Variants in GAS7 observed in about 807,000 individuals in gnomAD.
GAS7 encodes growth arrest-specific protein 7.
A neutral mutation model predicts 71.1 loss-of-function variants in GAS7; 28 were observed. That is an observed-to-expected ratio of 0.39 (90% CI 0.29 to 0.54). The LOEUF (loss-of-function observed/expected upper bound fraction) is 0.54, where lower values mean the gene tolerates loss of function less well. GAS7 is among the 20% of genes least tolerant of loss of function. GAS7 has a pLI of 0.62. For synonymous variants in GAS7, 258 were observed against 245.8 expected, an observed-to-expected ratio of 1.05 and a Z score of -0.46; for missense variants, 436 against 627.8, an observed-to-expected ratio of 0.69 and a Z score of 3.27.
At chr17:9,933,269 TA>T (rs1298352142) in intron 9 of GAS7, among the ~76,000 whole-genome samples, 1 of 151,998 alleles carries the variant, frequency 6.6e-6, no homozygotes, top group African/African-American at 2.4e-5. Context: ...ACCACAAATT[TA>T]AAAAAAATTC....
intron 1 of GAS7, among the ~76,000 whole-genome samples, chr17:10,139,305 C>T (rs1411285191): frequency 6.6e-6 from 1 of 152,112 alleles, no homozygotes; most frequent in Admixed American, 6.6e-5. Context: ...TAAGAATAAA[C>T]CTAACACAAG....
chr17:10,125,612 C>T (rs1404064793), intron 1 of GAS7, among the ~76,000 whole-genome samples: 1 of 150,736 alleles, frequency 6.6e-6, no homozygotes, highest in Non-Finnish European at 1.5e-5. Context: ...TTCTTTCTTT[C>T]CCAGTTGGAT....
intron 1 of GAS7, among the ~76,000 whole-genome samples, chr17:10,083,866 T>C (rs2073485328): frequency 6.6e-6 from 1 of 152,206 alleles, no homozygotes; most frequent in African/African-American, 2.4e-5. Flanking sequence ...AGGGTAGGTA[T>C]ACATAAAATA....
In GAS7 at chr17:10,019,884, A is replaced by T. The variant is rs779039495; in HGVS notation, c.197T>A (p.Val66Asp). The part of the protein sequence containing the change: ...YVQLLEKPGM[V>D]PPPPGEESQT... ...GCTTTCTTCTCCCGGCGGAGGGGGG[A>T]CCATTCCAGGCTTCTGTTGGAGAAG... The change falls in exon 2 of 14, where the codon GTC (valine) becomes GAC (aspartate). Residue 66 changes from valine (V) to aspartate (D), a missense_variant. Val to Asp is a radical substitution (Grantham distance 152, BLOSUM62 -3). Coordinates refer to ENST00000432992, the MANE Select transcript of GAS7 (RefSeq NM_201433.2). 1 of 1,613,686 alleles carries T rather than the reference A, an allele frequency of 6.2e-7. No individual in the cohort carries two copies. Among genetic ancestry groups the T allele is most frequent in the Non-Finnish European group, 8.5e-7 (1 of 1,179,864 alleles).
intron 3 of GAS7, among the ~76,000 whole-genome samples, chr17:9,973,247 T>C (rs111296133): frequency 0.011 from 1,659 of 149,808 alleles, 21 homozygotes; most frequent in African/African-American, 0.032. Flanking sequence ...ACAACAAATA[T>C]AGTAGAAACT....
chr17:10,186,946 G>A (rs2074459199), intron 1 of GAS7, among the ~76,000 whole-genome samples: 1 of 152,182 alleles, frequency 6.6e-6, no homozygotes, highest in Admixed American at 6.5e-5. Flanking sequence ...GAGAAGCACT[G>A]CTCTAGGTGC....
intron 2 of GAS7, among the ~76,000 whole-genome samples, chr17:9,985,798 T>C (rs957790191): frequency 6.6e-6 from 1 of 152,226 alleles, no homozygotes; most frequent in Admixed American, 6.5e-5. Flanking sequence ...CAAACAATTC[T>C]GAAGGCCCCT....
chr17:10,122,589 G>T (rs972651111), intron 1 of GAS7, among the ~76,000 whole-genome samples: 1 of 152,124 alleles, frequency 6.6e-6, no homozygotes, highest in Non-Finnish European at 1.5e-5. Flanking sequence ...GAAGAGGGGG[G>T]TTGAAAGCCT....
At position 10,063,140 on chromosome 17, in the gene GAS7, T is replaced by C. The variant is rs542558177; in HGVS notation, c.184-43243A>G. On this transcript the variant is annotated intron_variant, in intron 1 of 13. Transcript: ENST00000432992. ...GTGGCTCTGTGGTGGTTTCATGGGG[T>C]TTCCCCTAGAGGAACAGACAGGCAG... Among the ~76,000 whole-genome samples, 14 of 152,244 alleles carry C rather than the reference T, an allele frequency of 9.2e-5. No individual in the cohort carries two copies. In the South Asian group the frequency reaches 2.9e-3, roughly 32 times the overall value.
intron 1 of GAS7, among the ~76,000 whole-genome samples, chr17:10,191,424 G>A (rs759152070): frequency 9.9e-5 from 15 of 151,794 alleles, no homozygotes; most frequent in Non-Finnish European, 1.9e-4. Context: ...ACAAAAATTA[G>A]CCAGGCATGG....
intron 1 of GAS7, among the ~76,000 whole-genome samples, chr17:10,118,039 A>C (rs1264706342): frequency 1.3e-5 from 2 of 152,138 alleles, no homozygotes; most frequent in Non-Finnish European, 2.9e-5. Context: ...GGAGATGTCA[A>C]GGACACAGCT....
chr17:10,149,768 G>T (rs945008711), intron 1 of GAS7, among the ~76,000 whole-genome samples: 1 of 152,214 alleles, frequency 6.6e-6, no homozygotes, highest in African/African-American at 2.4e-5. Flanking sequence ...GCCATGAAAA[G>T]GAATGAAGTG....
At chr17:10,166,354 G>A (rs1159699019) in intron 1 of GAS7, among the ~76,000 whole-genome samples, 2 of 152,174 alleles carry the variant, frequency 1.3e-5, no homozygotes, top group African/African-American at 4.8e-5. Flanking sequence ...CCAGGGGATG[G>A]GGGCCCCAAG....
chr17:10,034,257 C>A lies in GAS7; in HGVS notation c.184-14360G>T. 1.0e-6 allele frequency: 1 copy of A among 981,150 alleles called. No individual in the cohort carries two copies. Among genetic ancestry groups the A allele is most frequent in the African/African-American group, 1.7e-5 (1 of 57,268 alleles). 60.8% of individuals were successfully genotyped at this position (981,150 alleles called of 1,614,324 possible). ...TCATCTCTAAAACACGGAAGTTGGA[C>A]CAGATGGTCTCCAAGGGCTTTCATA... is the stretch of plus-strand genomic sequence containing the variant. On this transcript the variant is annotated intron_variant, in intron 1 of 13. Coordinates refer to ENST00000432992, the MANE Select transcript of GAS7 (RefSeq NM_201433.2). This position sits in a 1 kb window ranked among gnomAD's most constrained non-coding sequence, Gnocchi z 4.4.
Position 9,959,042 on chromosome 17 carries a change from C to G in GAS7, c.525+160G>C. 7.5e-7 allele frequency: 1 copy of G among 1,328,938 alleles called. No homozygotes were observed. Among genetic ancestry groups the G allele is most frequent in the Admixed American group, 2.8e-5 (1 of 35,226 alleles). 82.3% of individuals were successfully genotyped at this position (1,328,938 alleles called of 1,614,324 possible). ...ACAGGAGAAGGGGAGGTGGGAGGGG[C>G]ATGTGGATGGGGAACTTGAGTGAAA... is the stretch of plus-strand genomic sequence containing the variant. On this transcript the variant is annotated intron_variant, in intron 5 of 13. Transcript: ENST00000432992. This position sits in a 1 kb window ranked among gnomAD's most constrained non-coding sequence, Gnocchi z 5.0.
At chr17:9,922,196 AGATGAT>A (rs35613552) in intron 11 of GAS7, among the ~76,000 whole-genome samples, 23 of 100,382 alleles carry the variant, frequency 2.3e-4, no homozygotes, top group African/African-American at 5.9e-4. Flanking sequence ...GTGGTGATGA[AGATGAT>A]GATGATGATG....
intron 1 of GAS7, among the ~76,000 whole-genome samples, chr17:10,045,231 C>A (rs2072933620): frequency 6.6e-6 from 1 of 152,022 alleles, no homozygotes; most frequent in Non-Finnish European, 1.5e-5. Flanking sequence ...GATAAGATGC[C>A]ATTAAAGAAG....
chr17:10,102,342 T>C (rs990482918), intron 1 of GAS7, among the ~76,000 whole-genome samples: 1 of 151,872 alleles, frequency 6.6e-6, no homozygotes, highest in African/African-American at 2.4e-5. Flanking sequence ...GGGTAATTTG[T>C]ACAAAGAGTC....
At chr17:10,092,847 C>T (rs1411759184) in intron 1 of GAS7, among the ~76,000 whole-genome samples, 1 of 152,216 alleles carries the variant, frequency 6.6e-6, no homozygotes, top group African/African-American at 2.4e-5. Flanking sequence ...ACATCACCTT[C>T]TCCTCTGTAT....
Sources: allele counts gnomAD v4.1 joint callset (sites outside exome capture counted in the v4.1 genomes callset), GRCh38; gene constraint gnomAD v4.1.1; non-coding constraint Gnocchi (gnomAD v3.1); transcripts MANE v1.5; gene names NCBI Gene and HGNC (gene_info 2026-07-23, HGNC 2026-07-21).